Variants in NAALADL2 observed in about 807,000 individuals in gnomAD.
The protein encoded by NAALADL2 is N-acetylated alpha-linked acidic dipeptidase like 2.
NAALADL2 carries 76 observed loss-of-function variants against 87.2 expected under a neutral mutation model. That is an observed-to-expected ratio of 0.87 (90% CI 0.72 to 1.05). NAALADL2 has a LOEUF of 1.05. Ranked by LOEUF, NAALADL2 falls within the 50% of genes least tolerant of loss-of-function variation. NAALADL2 has a pLI of 0.00. For missense variants in NAALADL2, 1,089 were observed against 945.8 expected (o/e 1.15, Z -1.99); for synonymous variants, 354 against 331.0 (o/e 1.07, Z -0.75).
chr3:174,896,008 A>C (rs1176641839), intron 1 of NAALADL2, among the ~76,000 whole-genome samples: 1 of 152,112 alleles, frequency 6.6e-6, no homozygotes, highest in African/African-American at 2.4e-5. Flanking sequence ...GATAAAAAAA[A>C]ATCTTAAAAA....
chr3:174,850,055 A>G (rs1454707560), intron 3 of NAALADL2, among the ~76,000 whole-genome samples: 1 of 152,194 alleles, frequency 6.6e-6, no homozygotes, highest in Non-Finnish European at 1.5e-5. Flanking sequence ...AGAGTGAAGA[A>G]CTTCCTTAGC....
At chr3:175,327,851 T>C (rs1039417887) in intron 5 of NAALADL2, among the ~76,000 whole-genome samples, 5 of 152,190 alleles carry the variant, frequency 3.3e-5, no homozygotes, top group South Asian at 4.1e-4. Flanking sequence ...GAGTTAAAAG[T>C]TGTGTCAATG....
At chr3:174,469,120 A>G (rs542878522) in intron 1 of NAALADL2, among the ~76,000 whole-genome samples, 1 of 152,246 alleles carries the variant, frequency 6.6e-6, no homozygotes, top group East Asian at 1.9e-4. Flanking sequence ...TGAGAAAGAG[A>G]CAGGATAAAG....
intron 3 of NAALADL2, among the ~76,000 whole-genome samples, chr3:174,774,879 G>A (rs483802): frequency 0.53 from 80,310 of 151,918 alleles, 21,609 homozygotes; most frequent in Middle Eastern, 0.64. Context: ...AAAACCTTAT[G>A]ATTACACTTT....
At chr3:175,344,052 G>A (rs753744522) in intron 5 of NAALADL2, among the ~76,000 whole-genome samples, 11 of 152,094 alleles carry the variant, frequency 7.2e-5, no homozygotes, top group Non-Finnish European at 1.5e-4. Flanking sequence ...GTTTAATACC[G>A]ACAAGCAATC....
chr3:175,735,784 G>A (rs1265588784), intron 11 of NAALADL2, among the ~76,000 whole-genome samples: 1 of 152,098 alleles, frequency 6.6e-6, no homozygotes, highest in Admixed American at 6.5e-5. Flanking sequence ...TTTGGGTGGG[G>A]ACACAGAGCC....
chr3:174,728,275 A>G (rs1257939680), intron 2 of NAALADL2, among the ~76,000 whole-genome samples: 1 of 152,026 alleles, frequency 6.6e-6, no homozygotes, highest in African/African-American at 2.4e-5. Flanking sequence ...TGGGGTATGA[A>G]TTGTCCCCAA....
chr3:174,804,727 C>T (rs565340006), intron 3 of NAALADL2, among the ~76,000 whole-genome samples: 2 of 152,182 alleles, frequency 1.3e-5, no homozygotes, highest in South Asian at 2.1e-4. Flanking sequence ...ACTGTCAGAA[C>T]ATTTTGAATA....
chr3:175,025,820 G>T (rs1422813371), intron 1 of NAALADL2, among the ~76,000 whole-genome samples: 2 of 151,962 alleles, frequency 1.3e-5, no homozygotes, highest in Admixed American at 1.3e-4. Flanking sequence ...TTATTTGTTT[G>T]TTTGTTTGAG....
At chr3:175,066,856 A>G (rs1488228134) in intron 1 of NAALADL2, among the ~76,000 whole-genome samples, 1 of 152,164 alleles carries the variant, frequency 6.6e-6, no homozygotes, top group Non-Finnish European at 1.5e-5. Context: ...CCCACAACAG[A>G]GACAACAGCT....
At chr3:175,538,610 A>T (rs1582308622) in intron 9 of NAALADL2, among the ~76,000 whole-genome samples, 2 of 152,146 alleles carry the variant, frequency 1.3e-5, no homozygotes, top group East Asian at 3.8e-4. Context: ...GATATAAATG[A>T]CTTTTTCTTT....
rs138668890 is a variant in NAALADL2, at chr3:174,590,850, A to T, written c.-115+40213A>T. ...TGTTACTATTTGACTAGAAATAGAC[A>T]TTCAATAAATACTAGCTATTTCGGT... On this transcript the variant is annotated intron_variant, in intron 2 of 3. Coordinates refer to the NAALADL2 transcript ENST00000434257. Among the ~76,000 whole-genome samples the T allele has an allele frequency of 4.0e-3, 611 of 152,272 alleles. 4 individuals carry two copies. Among genetic ancestry groups the T allele is most frequent in the African/African-American group, 0.013 (537 of 41,550 alleles).
intron 13 of NAALADL2, among the ~76,000 whole-genome samples, chr3:175,764,320 A>C (rs909416245): frequency 6.6e-6 from 1 of 152,114 alleles, no homozygotes; most frequent in African/African-American, 2.4e-5. Flanking sequence ...CTGAGTTCCA[A>C]ACAATGGCAT....
chr3:174,992,450 A>G (rs1370857647), intron 1 of NAALADL2, among the ~76,000 whole-genome samples: 2 of 152,104 alleles, frequency 1.3e-5, no homozygotes, highest in Non-Finnish European at 2.9e-5. Context: ...GAGGGTATAG[A>G]TAATATCTAT....
At chr3:174,816,860 G>A (rs1456516312) in intron 3 of NAALADL2, among the ~76,000 whole-genome samples, 7 of 152,154 alleles carry the variant, frequency 4.6e-5, no homozygotes, top group Admixed American at 4.6e-4. Flanking sequence ...CCAGCTCAAT[G>A]ATTAGGAGTG....
chr3:175,078,559 A>G (rs1303300709), intron 1 of NAALADL2, among the ~76,000 whole-genome samples: 3 of 152,130 alleles, frequency 2.0e-5, no homozygotes, highest in African/African-American at 4.8e-5. Flanking sequence ...TAAAGTCCCC[A>G]TTCATTAGCA....
intron 9 of NAALADL2, among the ~76,000 whole-genome samples, chr3:175,509,973 G>T (rs1224964599): frequency 1.3e-5 from 2 of 152,012 alleles, no homozygotes; most frequent in Non-Finnish European, 2.9e-5. Flanking sequence ...TTAGCATTCG[G>T]TATGTCTCCT....
intron 3 of NAALADL2, among the ~76,000 whole-genome samples, chr3:174,836,708 C>CAAAAAAA (rs36091749): frequency 1.5e-5 from 1 of 65,384 alleles, no homozygotes; most frequent in African/African-American, 5.7e-5. Context: ...GACTCCGTCT[C>CAAAAAAA]AAAAAAAAAA....
At chr3:174,833,118 TTC>T in intron 3 of NAALADL2, among the ~76,000 whole-genome samples, 1 of 152,318 alleles carries the variant, frequency 6.6e-6, no homozygotes, top group Non-Finnish European at 1.5e-5. Flanking sequence ...TTAATACTGT[TTC>T]TGAGAATAAA....
Sources: allele counts gnomAD v4.1 joint callset (sites outside exome capture counted in the v4.1 genomes callset), GRCh38; gene constraint gnomAD v4.1.1; transcripts MANE v1.5; gene names NCBI Gene and HGNC (gene_info 2026-07-23, HGNC 2026-07-21).